Variants in AGXT2 observed in about 807,000 individuals in gnomAD.
AGXT2 encodes alanine--glyoxylate aminotransferase 2, also known as alanine--glyoxylate aminotransferase 2, mitochondrial.
AGXT2 carries 61 observed loss-of-function variants against 62.5 expected under a neutral mutation model. The ratio of observed to expected loss-of-function variants is 0.98; its 90% CI spans 0.79 to 1.21. The LOEUF (loss-of-function observed/expected upper bound fraction) is 1.21. AGXT2 is among the 50% of genes most tolerant of loss of function. The pLI is 0.00. For synonymous variants in AGXT2, 243 were observed against 218.7 expected (o/e 1.11, Z -0.98); for missense variants, 666 against 641.5 (o/e 1.04, Z -0.41).
At chr5:35,038,257 A>G (rs959394881) in intron 3 of AGXT2, among the ~76,000 whole-genome samples, 1 of 152,194 alleles carries the variant, frequency 6.6e-6, no homozygotes, top group Non-Finnish European at 1.5e-5. Context: ...AAGAAGAGAC[A>G]TTTGACAAAA....
At chr5:35,041,223 C>CGAAAAAAAAAAAAAAAAAAAA (rs70973023) in intron 1 of AGXT2, among the ~76,000 whole-genome samples, 1 of 51,400 alleles carries the variant, frequency 1.9e-5, no homozygotes, top group East Asian at 4.8e-4. Context: ...CTCCCCCCGC[C>CGAAAAAAAAAAAAAAAAAAAA]AAAAAAAAAA....
intron 10 of AGXT2, among the ~76,000 whole-genome samples, 159 bp downstream of exon 10, chr5:35,013,828 A>T (rs752704538): frequency 6.6e-5 from 10 of 151,050 alleles, no homozygotes; most frequent in African/African-American, 9.7e-5. Flanking sequence ...ACTGTTTCAC[A>T]GTCAGGCAGA....
At chr5:35,020,094 C>A (rs1421770127) in intron 9 of AGXT2, among the ~76,000 whole-genome samples, 3 of 152,222 alleles carry the variant, frequency 2.0e-5, no homozygotes, top group African/African-American at 4.8e-5. Flanking sequence ...GCTTACCAAC[C>A]AAAAAGAGTC....
intron 9 of AGXT2, among the ~76,000 whole-genome samples, chr5:35,023,445 T>TAGA (rs1242287596): frequency 6.6e-6 from 1 of 152,218 alleles, no homozygotes; most frequent in East Asian, 1.9e-4. Flanking sequence ...TTGCCTGTGT[T>TAGA]AGATAGTTTT....
chr5:35,029,129 G>A (rs1011460638), intron 7 of AGXT2, among the ~76,000 whole-genome samples: 14 of 152,174 alleles, frequency 9.2e-5, no homozygotes, highest in African/African-American at 3.4e-4. Context: ...ATGAAACCCT[G>A]AAAATATGTT....
intron 2 of AGXT2, 87 bp from the exon 3 acceptor site, chr5:35,039,595 T>C: frequency 2.1e-6 from 3 of 1,418,190 alleles, no homozygotes; most frequent in East Asian, 2.3e-5. Context: ...GGCTCTCTAG[T>C]GGACAGAGAA....
At chr5:35,034,509 T>C (rs563010580) in intron 5 of AGXT2, among the ~76,000 whole-genome samples, 1 of 152,338 alleles carries the variant, frequency 6.6e-6, no homozygotes, top group South Asian at 2.1e-4. Flanking sequence ...AATGCAACTG[T>C]TTATTCATTC....
At chr5:35,000,302 T>A (rs2112155836) in intron 13 of AGXT2, among the ~76,000 whole-genome samples, 1 of 152,282 alleles carries the variant, frequency 6.6e-6, no homozygotes, top group South Asian at 2.1e-4. Flanking sequence ...CTCTTCTTAT[T>A]CTCTTCATAC....
intron 1 of AGXT2, among the ~76,000 whole-genome samples, chr5:35,041,480 C>A (rs565859315): frequency 6.6e-6 from 1 of 152,256 alleles, no homozygotes; most frequent in African/African-American, 2.4e-5. Flanking sequence ...TTGCTCATTC[C>A]TCAACCATTT....
chr5:35,006,177 A>G (rs1378261400), intron 12 of AGXT2, among the ~76,000 whole-genome samples: 2 of 152,106 alleles, frequency 1.3e-5, no homozygotes, highest in Non-Finnish European at 2.9e-5. Context: ...CCTAATGTTG[A>G]GCATTTAGGT....
In AGXT2 at chr5:35,039,635, G is replaced by T. The variant is rs898166482; in HGVS notation, c.178-127C>A. 9 of 920,102 alleles carry T rather than the reference G, an allele frequency of 9.8e-6. No individual in the cohort carries two copies. The African/African-American group carries it at 1.2e-4, about 12-fold the overall frequency. 57.0% of individuals were successfully genotyped at this position (920,102 alleles called of 1,614,324 possible). A position where few individuals can be genotyped will look rare whatever the true frequency, so the allele number is the denominator to read the frequency against. ...GCTGCTGGCCTGTAGAGGCTCAGAAGTGCGTGTACTTACCCAATATCGTCC... is the reference window on the plus strand; with the variant it reads ...GCTGCTGGCCTGTAGAGGCTCAGAATTGCGTGTACTTACCCAATATCGTCC... On this transcript the variant is annotated intron_variant, in intron 2 of 13. Transcript: ENST00000231420.
chr5:35,038,913 T>C (rs1047905478), intron 3 of AGXT2, among the ~76,000 whole-genome samples: 1 of 152,210 alleles, frequency 6.6e-6, no homozygotes, highest in Non-Finnish European at 1.5e-5. Flanking sequence ...TCAGAGGCCA[T>C]GAAGAAGATT....
At chr5:35,029,493 A>G (rs1767483214) in intron 7 of AGXT2, among the ~76,000 whole-genome samples, 1 of 152,224 alleles carries the variant, frequency 6.6e-6, no homozygotes, top group Admixed American at 6.5e-5. Flanking sequence ...CACTAGCTGC[A>G]TTGACTCATT....
chr5:35,021,704 A>G (rs1184227957), intron 9 of AGXT2, among the ~76,000 whole-genome samples: 1 of 152,212 alleles, frequency 6.6e-6, no homozygotes, highest in African/African-American at 2.4e-5. Flanking sequence ...AATGGCAACA[A>G]AAGCCAAAAT....
intron 1 of AGXT2, among the ~76,000 whole-genome samples, chr5:35,043,309 GA>G (rs552894339): frequency 2.0e-5 from 3 of 151,918 alleles, no homozygotes; most frequent in South Asian, 4.2e-4. Context: ...CCTTTAAAAT[GA>G]AAAAAAGATT....
At chr5:35,019,140 C>A (rs344147) in intron 9 of AGXT2, among the ~76,000 whole-genome samples, 36 of 86,410 alleles carry the variant, frequency 4.2e-4, no homozygotes, top group Admixed American at 1.3e-3. Context: ...CTTTAACACC[C>A]CACTGTCAAC....
At chr5:35,025,564 G>A (rs1767302842) in intron 9 of AGXT2, among the ~76,000 whole-genome samples, 199 bp downstream of exon 9, 1 of 152,192 alleles carries the variant, frequency 6.6e-6, no homozygotes, top group Admixed American at 6.5e-5. Flanking sequence ...TTTAAGTTCT[G>A]TTATACTTGT....
rs555299491 is a variant in AGXT2, at chr5:35,026,858, A to T, written c.770-348T>A. 101 of 985,308 alleles carry T rather than the reference A, an allele frequency of 1.0e-4. 1 individual carries two copies. The Middle Eastern group carries it at 2.6e-3, about 25-fold the overall frequency. The allele number at this position is 985,308 out of a possible 1,614,324, so 61.0% of individuals were successfully genotyped here. On this transcript the variant is annotated intron_variant, in intron 7 of 13. Transcript: ENST00000231420. ...GATGCCCGTCCTCTCAAACAGGTGG[A>T]TCTAATTCAAATGTAATTAGAGCGA...
intron 12 of AGXT2, among the ~76,000 whole-genome samples, chr5:35,005,229 G>T (rs969988246): frequency 6.6e-6 from 1 of 152,022 alleles, no homozygotes; most frequent in Admixed American, 6.6e-5. Context: ...TGTTGTTGTT[G>T]TTGTTGTTTT....
Sources: gnomAD v4.1 joint callset for allele counts (sites outside exome capture counted in the v4.1 genomes callset) on GRCh38, gnomAD v4.1.1 for gene constraint, MANE v1.5 for transcripts, NCBI Gene and HGNC (gene_info 2026-07-23, HGNC 2026-07-21) for gene names.